The following PRR14L variants were observed in gnomAD, a reference collection of about 807,000 sequenced individuals.
PRR14L encodes the protein protein PRR14L.
PRR14L carries 80 observed loss-of-function variants against 155.0 expected under a neutral mutation model. The ratio of observed to expected loss-of-function variants is 0.52; its 90% CI spans 0.43 to 0.62. The LOEUF (loss-of-function observed/expected upper bound fraction) is 0.62. Ranked by LOEUF, PRR14L falls within the 20% of genes least tolerant of loss-of-function variation. PRR14L has a pLI of 0.00. For missense variants in PRR14L, 2,469 were observed against 2,548.0 expected, an observed-to-expected ratio of 0.97 and a Z score of 0.67; for synonymous variants, 883 against 916.0, an observed-to-expected ratio of 0.96 and a Z score of 0.65.
intron 1 of PRR14L, among the ~76,000 whole-genome samples, chr22:31,748,070 G>C (rs138537122): frequency 2.0e-5 from 3 of 151,732 alleles, no homozygotes; most frequent in African/African-American, 7.3e-5. Flanking sequence ...CCAATGCATA[G>C]GGGCTGTTAA....
intron 3 of PRR14L, among the ~76,000 whole-genome samples, chr22:31,724,259 C>T (rs759975814): frequency 1.1e-4 from 16 of 152,266 alleles, no homozygotes; most frequent in South Asian, 2.1e-4. Context: ...ATAATAGAAA[C>T]GAAGTGCACA....
chr22:31,727,980 GAA>G (rs131242), intron 2 of PRR14L, among the ~76,000 whole-genome samples: 18 of 125,974 alleles, frequency 1.4e-4, no homozygotes, highest in Non-Finnish European at 1.0e-4. Flanking sequence ...CACTGTCTCA[GAA>G]AAAAAAAAAA....
At chr22:31,732,513 A>G (rs566554902) in intron 2 of PRR14L, among the ~76,000 whole-genome samples, 2 of 152,358 alleles carry the variant, frequency 1.3e-5, no homozygotes, top group African/African-American at 2.4e-5. Context: ...TGACCCACTA[A>G]CAAACTTCCA....
chr22:31,743,570 G>A (rs991264442), intron 1 of PRR14L, among the ~76,000 whole-genome samples: 5 of 152,136 alleles, frequency 3.3e-5, no homozygotes, highest in African/African-American at 1.2e-4. Flanking sequence ...GGAGGCCAAG[G>A]TGGGTGGATC....
chr22:31,718,556 C>T (rs868830286), intron 3 of PRR14L, among the ~76,000 whole-genome samples: 2 of 147,252 alleles, frequency 1.4e-5, no homozygotes, highest in Admixed American at 6.6e-5. Flanking sequence ...GCCCGGCCTG[C>T]CCAGCTAATT....
intron 7 of PRR14L, among the ~76,000 whole-genome samples, chr22:31,690,105 T>G (rs952280774): frequency 2.0e-5 from 3 of 152,086 alleles, no homozygotes; most frequent in African/African-American, 2.4e-5. Flanking sequence ...TTAGTAGAGA[T>G]AGGGTATCAC....
chr22:31,694,874 A>G (rs1357454975), intron 7 of PRR14L, among the ~76,000 whole-genome samples: 2 of 152,026 alleles, frequency 1.3e-5, no homozygotes, highest in African/African-American at 2.4e-5. Context: ...CATGAGGTCA[A>G]GAGATTAAAA....
chr22:31,720,255 G>A (rs945621035), intron 3 of PRR14L, among the ~76,000 whole-genome samples: 2 of 152,096 alleles, frequency 1.3e-5, no homozygotes, highest in Admixed American at 6.5e-5. Context: ...TAGACACAGC[G>A]TTTTAAAATG....
chr22:31,684,726 C>G lies in PRR14L; in HGVS notation c.*801G>C, dbSNP rs1029161604. Reference sequence around the variant, plus strand: ...CTGGGTCAAATGCCTATCATGTATTCTTAAGACATGTATTGTTTTTCTCCT... The same window carrying G: ...CTGGGTCAAATGCCTATCATGTATTGTTAAGACATGTATTGTTTTTCTCCT... On this transcript the variant is annotated 3_prime_UTR_variant, in exon 9 of 9. Coordinates refer to ENST00000327423, the MANE Select transcript of PRR14L (RefSeq NM_173566.3). 1 of 152,074 alleles carries G rather than the reference C, an allele frequency of 6.6e-6. No individual in the cohort carries two copies. Among genetic ancestry groups the G allele is most frequent in the Non-Finnish European group, 1.5e-5 (1 of 68,008 alleles). The allele number at this position is 152,074 out of a possible 1,614,324, so 9.4% of individuals were successfully genotyped here.
At position 31,712,524 on chromosome 22, in the gene PRR14L, C is replaced by T. The variant is rs1456038402; in HGVS notation, c.5315G>A (p.Cys1772Tyr). 1 of 1,551,690 alleles carries T rather than the reference C, an allele frequency of 6.4e-7. No homozygotes were observed. Among genetic ancestry groups the T allele is most frequent in the African/African-American group, 1.4e-5 (1 of 73,036 alleles). Residue 1772 changes from cysteine (C) to tyrosine (Y), a missense_variant, in exon 4 of 9, where the codon TGC (cysteine) becomes TAC (tyrosine). Coordinates refer to ENST00000327423, the MANE Select transcript of PRR14L (RefSeq NM_173566.3). ...TTCCCTGAATGTTGCCATCCCAGGG[C>T]AACCGTGGGACAAGAAGAAAGAAAA... ...WTFSFFLSHGCPGMATFREDT... is the reference protein window; with the variant it reads ...WTFSFFLSHGYPGMATFREDT...
At chr22:31,699,709 T>C (rs990476773) in intron 7 of PRR14L, among the ~76,000 whole-genome samples, 1 of 152,224 alleles carries the variant, frequency 6.6e-6, no homozygotes, top group African/African-American at 2.4e-5. Flanking sequence ...TATATCATTT[T>C]CCTGAAAGGA....
intron 4 of PRR14L, among the ~76,000 whole-genome samples, chr22:31,710,339 T>C (rs2074614176): frequency 6.6e-6 from 1 of 152,324 alleles, no homozygotes; most frequent in Admixed American, 6.5e-5. Flanking sequence ...GGCTTTTTAT[T>C]TGATGTCTAA....
intron 3 of PRR14L, among the ~76,000 whole-genome samples, chr22:31,721,884 G>A (rs2074692340): frequency 6.6e-6 from 1 of 152,108 alleles, no homozygotes; most frequent in Non-Finnish European, 1.5e-5. Flanking sequence ...CTGACAGTGG[G>A]ACATTTATAT....
At chr22:31,698,154 A>C (rs1011336747) in intron 7 of PRR14L, among the ~76,000 whole-genome samples, 11 of 151,262 alleles carry the variant, frequency 7.3e-5, no homozygotes, top group African/African-American at 2.7e-4. Flanking sequence ...CCTCATGAGT[A>C]GCTGGGATGA....
At chr22:31,737,891 A>T (rs1335382767) in intron 2 of PRR14L, among the ~76,000 whole-genome samples, 1 of 151,996 alleles carries the variant, frequency 6.6e-6, no homozygotes, top group African/African-American at 2.4e-5. Context: ...GGCTTATACC[A>T]TAATCACAGC....
Position 31,712,122 on chromosome 22 carries a change from G to C in PRR14L, c.5717C>G (p.Pro1906Arg). ...CAGACTTGGTTGCCGCTTGCAGTGAGGGGAATGAAGAGAAGAGATTTCGAA... is the reference window on the plus strand; with the variant it reads ...CAGACTTGGTTGCCGCTTGCAGTGACGGGAATGAAGAGAAGAGATTTCGAA... The part of the protein sequence containing the change: ...CSFEISSLHS[P>R]HCKRQPSLGT... Residue 1906 changes from proline to arginine, a missense_variant, in exon 4 of 9, where the codon CCT (proline) becomes CGT (arginine). Physicochemically the swap from Pro to Arg is moderately radical, Grantham distance 103. Around this residue, in one of 2 missense-constraint regions of PRR14L, gnomAD observed 2,363 missense variants for 2,371.6 expected, o/e 1.00. Coordinates refer to ENST00000327423, the MANE Select transcript of PRR14L (RefSeq NM_173566.3). 1 of 1,613,770 alleles carries C rather than the reference G, an allele frequency of 6.2e-7. No homozygotes were observed. Among genetic ancestry groups the C allele is most frequent in the Non-Finnish European group, 8.5e-7 (1 of 1,179,896 alleles).
chr22:31,706,070 C>A (rs968023486), intron 4 of PRR14L, among the ~76,000 whole-genome samples: 1 of 151,370 alleles, frequency 6.6e-6, no homozygotes, highest in Non-Finnish European at 1.5e-5. Flanking sequence ...GTGACTCACA[C>A]CTGTAATCCC....
Position 31,712,611 on chromosome 22 carries a change from G to A in PRR14L, c.5228C>T (p.Ala1743Val), listed in dbSNP as rs748058999. The A allele has an allele frequency of 6.4e-6, 10 of 1,551,746 alleles. 1 individual carries two copies. The highest frequency in any genetic ancestry group is 3.6e-5 in the South Asian group (3 of 84,064). The stretch of plus-strand genomic sequence containing the variant: ...CTCTCCTAAGGCAAGCCTTGCCGGA[G>A]CACAGTGCTCAGGAAAAGTCCTTGA... Reference protein sequence around the residue: ...ESSRTFPEHCAPARLALGEAL... With the variant: ...ESSRTFPEHCVPARLALGEAL... Residue 1743 changes from alanine to valine, a missense_variant, in exon 4 of 9, where the codon GCT (alanine) becomes GTT (valine). Physicochemically the swap from Ala to Val is moderately conservative, Grantham distance 64. This residue lies in a region of PRR14L where 2,363 missense variants were observed against 2,371.6 expected (regional missense o/e 1.00). Transcript: ENST00000327423.
At chr22:31,726,895 C>G (rs1215391667) in intron 2 of PRR14L, among the ~76,000 whole-genome samples, 1 of 150,206 alleles carries the variant, frequency 6.7e-6, no homozygotes, top group African/African-American at 2.4e-5. Context: ...CTGTAGACAC[C>G]TGTTATCCAT....
Sources: gnomAD v4.1 joint callset for allele counts (sites outside exome capture counted in the v4.1 genomes callset) on GRCh38, gnomAD v4.1.1 for gene constraint, gnomAD v4.1.1 regional missense constraint, MANE v1.5 for transcripts, NCBI Gene and HGNC (gene_info 2026-07-23, HGNC 2026-07-21) for gene names.